PKD1L1: variants seen among roughly 807,000 people sequenced by gnomAD.
PKD1L1 encodes the protein polycystin-1-like protein 1.
A neutral mutation model predicts 323.4 loss-of-function variants in PKD1L1; 236 were observed. The ratio of observed to expected loss-of-function variants is 0.73; its 90% confidence interval spans 0.66 to 0.81. The LOEUF (loss-of-function observed/expected upper bound fraction) is 0.81, where lower values mean the gene tolerates loss of function less well. Ranked by LOEUF, PKD1L1 falls within the 40% of genes least tolerant of loss-of-function variation. The pLI is 0.00. For missense variants in PKD1L1, 3,320 were observed against 3,508.0 expected, an observed-to-expected ratio of 0.95 and a Z score of 1.35; for synonymous variants, 1,344 against 1,335.0, an observed-to-expected ratio of 1.01 and a Z score of -0.15.
At chr7:47,807,264 A>C (rs1348473017) in intron 52 of PKD1L1, among the ~76,000 whole-genome samples, 2 of 151,998 alleles carry the variant, frequency 1.3e-5, no homozygotes, top group Non-Finnish European at 2.9e-5. Context: ...TTGCAACAAA[A>C]TGATCTCCAA....
Position 47,808,274 on chromosome 7 carries a change from G to A in PKD1L1, c.7800C>T (p.Asp2600=), listed in dbSNP as rs1472332699. 3.1e-6 allele frequency: 5 copies of A among 1,614,024 alleles called. No homozygotes were observed. The African/African-American group carries it at 4.0e-5, about 13-fold the overall frequency. Residue 2600 remains aspartate (D), a synonymous_variant, in exon 52 of 57, where the codon GAC becomes GAT. Coordinates refer to ENST00000289672, the MANE Select transcript of PKD1L1 (RefSeq NM_138295.5). ...FHRGLCRAFM[D]LTLMASWNQR... is the part of the protein sequence containing the mutation. Reference sequence around the variant, plus strand: ...GATTCCATGATGCCATAAGGGTGAGGTCCATAAATGCTCGGCAAAGTCCTC... The same window carrying A: ...GATTCCATGATGCCATAAGGGTGAGATCCATAAATGCTCGGCAAAGTCCTC...
At chr7:47,890,990 G>A (rs1390318894) in intron 15 of PKD1L1, among the ~76,000 whole-genome samples, 2 of 152,152 alleles carry the variant, frequency 1.3e-5, no homozygotes, top group African/African-American at 4.8e-5. Flanking sequence ...ACTCACTGAG[G>A]CCTGACTCCA....
chr7:47,959,630 C>T, the PKD1L1 span, among the ~76,000 whole-genome samples: 1 of 117,648 alleles, frequency 8.5e-6, no homozygotes, highest in Non-Finnish European at 2.0e-5. Flanking sequence ...GCCCGGCAGC[C>T]ACCCCATCCG....
chr7:47,906,457 T>A (rs1469525426), intron 9 of PKD1L1, among the ~76,000 whole-genome samples: 2 of 152,102 alleles, frequency 1.3e-5, no homozygotes, highest in African/African-American at 4.8e-5. Context: ...ATACACACCA[T>A]ACACAGCATA....
At position 47,858,698 on chromosome 7, in the gene PKD1L1, A is replaced by T. The variant is rs139117336; in HGVS notation, c.4337T>A (p.Ile1446Asn). 5.2e-5 allele frequency: 84 copies of T among 1,613,568 alleles called. No individual in the cohort carries two copies. Among genetic ancestry groups the T allele is most frequent in the Non-Finnish European group, 3.4e-5 (40 of 1,179,610 alleles). Residue 1446 changes from isoleucine to asparagine, a missense_variant, in exon 27 of 57, where the codon ATT becomes AAT. Transcript: ENST00000289672. The part of the protein sequence containing the change: ...KEEVYRHEEG[I>N]TVISDLLLGC... ...CAACAATAAATCTGAGATGACTGTA[A>T]TTCCTTCTTCATGTCGATAGACTTC...
intron 46 of PKD1L1, chr7:47,818,145 G>A (rs758501914): frequency 7.3e-7 from 1 of 1,367,790 alleles, no homozygotes; most frequent in Non-Finnish European, 9.8e-7. Context: ...AAGCAACAGA[G>A]AGGCATCAGG....
chr7:47,865,723 C>T (rs187031947), intron 25 of PKD1L1, among the ~76,000 whole-genome samples: 2,509 of 151,366 alleles, frequency 0.017, 68 homozygotes, highest in African/African-American at 0.057. Flanking sequence ...GTAGCTGGGA[C>T]TACACGCGCC....
intron 16 of PKD1L1, among the ~76,000 whole-genome samples, chr7:47,888,840 T>C (rs1006735822): frequency 6.6e-6 from 1 of 152,138 alleles, no homozygotes; most frequent in Non-Finnish European, 1.5e-5. Flanking sequence ...TGGTTTTTCA[T>C]AATATCTCGG....
intron 50 of PKD1L1, among the ~76,000 whole-genome samples, chr7:47,810,427 C>T (rs1784869465): frequency 1.3e-5 from 2 of 152,292 alleles, no homozygotes; most frequent in Middle Eastern, 3.4e-3. Flanking sequence ...GAATACTGTT[C>T]ACCTTGATTA....
rs74988608 is a variant in PKD1L1, at chr7:47,946,055, G to A, written c.44+2342C>T. Among the ~76,000 whole-genome samples the A allele has an allele frequency of 0.015, 2,330 of 152,218 alleles. 33 individuals are homozygous for A. The highest frequency in any genetic ancestry group is 0.071 in the East Asian group (369 of 5,174). The stretch of plus-strand genomic sequence containing the variant: ...AGGGGGAGATAATTTAAATACAAGG[G>A]AGGCTCTTTTTCCTGGTGTTGTGAG... On this transcript the variant is annotated intron_variant, in intron 1 of 56. Coordinates refer to ENST00000289672, the MANE Select transcript of PKD1L1 (RefSeq NM_138295.5). The surrounding 1 kb of genome is among the most constrained non-coding windows in gnomAD (Gnocchi z 4.1).
intron 47 of PKD1L1, among the ~76,000 whole-genome samples, chr7:47,815,122 C>T (rs538858536): frequency 4.6e-5 from 7 of 152,280 alleles, no homozygotes; most frequent in African/African-American, 1.7e-4. Context: ...TCCCGTGCAG[C>T]TCAGCAGGGT....
At position 47,946,901 on chromosome 7, in the gene PKD1L1, A is replaced by G. The variant is rs1413614245; in HGVS notation, c.44+1496T>C. The stretch of plus-strand genomic sequence containing the variant: ...TACAAGATGTATAAATATACAGGGG[A>G]AAAAACATCAAGTCAGCGACTTCCG... On this transcript the variant is annotated intron_variant, in intron 1 of 56. Coordinates refer to ENST00000289672, the MANE Select transcript of PKD1L1 (RefSeq NM_138295.5). The surrounding 1 kb of genome is among the most constrained non-coding windows in gnomAD (Gnocchi z 4.1). 7.2e-6 allele frequency among the ~76,000 whole-genome samples: 1 copy of G among 138,870 alleles called. No individual in the cohort carries two copies. Among genetic ancestry groups the G allele is most frequent in the Non-Finnish European group, 1.5e-5 (1 of 67,940 alleles). The allele number at this position is 138,870 out of a possible 152,430, so 91.1% of individuals were successfully genotyped here.
At chr7:47,935,547 G>A (rs1397545026) in intron 4 of PKD1L1, among the ~76,000 whole-genome samples, 2 of 152,220 alleles carry the variant, frequency 1.3e-5, no homozygotes, top group Non-Finnish European at 2.9e-5. Context: ...GCAAAGACTC[G>A]GAGACTGCAA....
At position 47,881,908 on chromosome 7, in the gene PKD1L1, C is replaced by T. The variant is rs1786561801; in HGVS notation, c.3442+1G>A. On this transcript the variant is annotated splice_donor_variant, in intron 20 of 56. Coordinates refer to ENST00000289672, the MANE Select transcript of PKD1L1 (RefSeq NM_138295.5). LOFTEE classifies it high-confidence loss of function. ...GGAGGGTACAAAGAGGACATTCATA[C>T]CTGAGGATGAATAGCCTTGGAAAAC... 6.3e-7 allele frequency: 1 copy of T among 1,590,902 alleles called. No individual in the cohort carries two copies. Among genetic ancestry groups the T allele is most frequent in the Non-Finnish European group, 8.5e-7 (1 of 1,171,734 alleles).
rs77270057 is a variant in PKD1L1 at position 47,785,136 on chromosome 7, G to A, written c.8526+7491C>T. Among the ~76,000 whole-genome samples the A allele has an allele frequency of 3.4e-4, 51 of 152,138 alleles. 4 individuals are homozygous for A. The East Asian group carries it at 9.5e-3, about 28-fold the overall frequency. On this transcript the variant is annotated intron_variant, in intron 56 of 56. Transcript: ENST00000289672. ...TCCTTAACATGCTGAATGAAGTCTG[G>A]GAACTATGGGGTGCATTCTTCCTGA... is the stretch of plus-strand genomic sequence containing the variant.
intron 56 of PKD1L1, among the ~76,000 whole-genome samples, chr7:47,784,935 C>G (rs1786775089): frequency 6.6e-6 from 1 of 152,138 alleles, no homozygotes; most frequent in Non-Finnish European, 1.5e-5. Context: ...CCATATACAT[C>G]ACCCACCACT....
At position 47,940,308 on chromosome 7, in the gene PKD1L1, G is replaced by A. The variant is rs752617340; in HGVS notation, c.170C>T (p.Ala57Val). 7 of 1,613,134 alleles carry A rather than the reference G, an allele frequency of 4.3e-6. No homozygotes were observed. In the Admixed American group the frequency reaches 5.0e-5, roughly 12 times the overall value. ...ATCACTCATAAGAAGCACATGATTAGCATAGACCTCTAGAGAAAAAAAAAA... is the reference window on the plus strand; with the variant it reads ...ATCACTCATAAGAAGCACATGATTAACATAGACCTCTAGAGAAAAAAAAAA... ...PGGGLWVEVY[A>V]NHVLLMSDGK... is the part of the protein sequence containing the mutation. Residue 57 changes from alanine to valine, a missense_variant, in exon 3 of 57, where the codon GCT (alanine) becomes GTT (valine). Coordinates refer to ENST00000289672, the MANE Select transcript of PKD1L1 (RefSeq NM_138295.5).
upstream of PKD1L1, among the ~76,000 whole-genome samples, chr7:47,949,197 C>T (rs1037861931): frequency 7.9e-5 from 12 of 151,660 alleles, no homozygotes; most frequent in African/African-American, 2.7e-4. Flanking sequence ...AGTGAAACCC[C>T]GTCTCTACTA....
chr7:47,801,232 A>G (rs115884010), intron 53 of PKD1L1, among the ~76,000 whole-genome samples: 1,696 of 152,246 alleles, frequency 0.011, 32 homozygotes, highest in African/African-American at 0.038. Flanking sequence ...CATGGTTGCC[A>G]TGAGGGGGCA....
Sources: allele counts gnomAD v4.1 joint callset (sites outside exome capture counted in the v4.1 genomes callset), GRCh38; gene constraint gnomAD v4.1.1; non-coding constraint Gnocchi (gnomAD v3.1); transcripts MANE v1.5; gene names NCBI Gene and HGNC (gene_info 2026-07-23, HGNC 2026-07-21).